Variants in KMT2B observed in about 807,000 individuals in gnomAD.
KMT2B encodes histone-lysine N-methyltransferase 2B.
A neutral mutation model predicts 255.3 loss-of-function variants in KMT2B; 22 were observed. That is an observed-to-expected ratio of 0.09 (90% CI 0.06 to 0.12). The LOEUF is 0.12. KMT2B is among the 10% of genes least tolerant of loss of function. The pLI, the probability that KMT2B is intolerant of heterozygous loss-of-function variation, is 1.00. For synonymous variants in KMT2B, 1,730 were observed against 1,498.1 expected, an observed-to-expected ratio of 1.15 and a Z score of -3.57; for missense variants, 3,149 against 3,737.0, an observed-to-expected ratio of 0.84 and a Z score of 4.10.
In KMT2B at chr19:35,723,539, TGTTAGA is replaced by T. The variant is rs1969302945; in HGVS notation, c.3058+41_3058+46del. On this transcript the variant is annotated intron_variant, in intron 7 of 36. Transcript: ENST00000420124. This position sits in a 1 kb window ranked among gnomAD's most constrained non-coding sequence, Gnocchi z 7.5. ...TAAGGAGCATTTCTTCTCAAAACCG[TGTTAGA>T]GTTTGTGCTGTGGAGGGAGCTGTTT... is the stretch of plus-strand genomic sequence containing the variant. 6.5e-7 allele frequency: 1 copy of T among 1,535,502 alleles called. No homozygotes were observed. The highest frequency in any genetic ancestry group is 1.4e-5 in the African/African-American group (1 of 72,570).
chr19:35,733,332 G>A lies in KMT2B; in HGVS notation c.6783G>A (p.Thr2261=), dbSNP rs934877089. 1.1e-4 allele frequency: 125 copies of A among 1,134,924 alleles called. No individual in the cohort carries two copies. The highest frequency in any genetic ancestry group is 1.4e-4 in the Non-Finnish European group (117 of 828,376). The allele number at this position is 1,134,924 out of a possible 1,614,324, so 70.3% of individuals were successfully genotyped here. A position where few individuals can be genotyped will look rare whatever the true frequency, so the allele number is the denominator to read the frequency against. The change falls in exon 28 of 37, where the codon ACG becomes ACA. Residue 2261 remains threonine, a synonymous_variant. Coordinates refer to ENST00000420124, the MANE Select transcript of KMT2B (RefSeq NM_014727.3). The surrounding 1 kb of genome is among the most constrained non-coding windows in gnomAD (Gnocchi z 4.3). ...PAPPPPPPPL[T]LVLSSGPASP... is the part of the protein sequence containing the mutation. The stretch of plus-strand genomic sequence containing the variant: ...CGCCCCCGCCACCCCCTCCCCTGAC[G>A]CTGGTGCTGAGCAGTGGGCCAGCCA...
In KMT2B at chr19:35,721,279, C is replaced by T. The variant is rs770911408; in HGVS notation, c.1932C>T (p.Pro644=). Residue 644 remains proline (P), a synonymous_variant, in exon 3 of 37, where the codon CCC becomes CCT. Coordinates refer to ENST00000420124, the MANE Select transcript of KMT2B (RefSeq NM_014727.3). The part of the protein sequence containing the change: ...PPAPATSSRR[P]LLLRAPQFTP... ...CTCCTGCCACCTCCTCCCGGAGGCC[C>T]CTACTCCTTCGGGCCCCTCAGTTTA... 7.1e-6 allele frequency: 11 copies of T among 1,540,892 alleles called. No individual in the cohort carries two copies. The highest frequency in any genetic ancestry group is 9.6e-6 in the Non-Finnish European group (11 of 1,145,002).
In KMT2B at chr19:35,733,301, C is replaced by CGG; in HGVS notation, c.6752_6753insGG (p.Ala2252ValfsTer10). On this transcript the variant is annotated frameshift_variant, in exon 28 of 37. Coordinates refer to ENST00000420124, the MANE Select transcript of KMT2B (RefSeq NM_014727.3). LOFTEE classifies it high-confidence loss of function. This position sits in a 1 kb window ranked among gnomAD's most constrained non-coding sequence, Gnocchi z 4.3. The stretch of plus-strand genomic sequence containing the variant: ...CTGCCCGTGGTCGGAGTGGTCCGCC[C>CGG]TGCCCCGCCCCCGCCACCCCCTCCC... The CGG allele has an allele frequency of 1.4e-6, 2 of 1,453,810 alleles. No homozygotes were observed. Among genetic ancestry groups the CGG allele is most frequent in the Non-Finnish European group, 1.9e-6 (2 of 1,062,352 alleles). The allele number at this position is 1,453,810 out of a possible 1,614,324, so 90.1% of individuals were successfully genotyped here. A position where few individuals can be genotyped will look rare whatever the true frequency, so the allele number is the denominator to read the frequency against.
At chr19:35,731,021 G>A (rs1969668399) in intron 26 of KMT2B, among the ~76,000 whole-genome samples, 154 bp downstream of exon 26, 1 of 152,258 alleles carries the variant, frequency 6.6e-6, no homozygotes, top group Non-Finnish European at 1.5e-5. Context: ...CATGCCTTGT[G>A]TGCCAGGGGC....
rs138560516 is a variant in KMT2B, at chr19:35,725,402, C to T, written c.3642+69C>T. The T allele has an allele frequency of 1.9e-5, 30 of 1,581,198 alleles. No individual in the cohort carries two copies. The African/African-American group carries it at 2.8e-4, about 15-fold the overall frequency. The stretch of plus-strand genomic sequence containing the variant: ...GTCCTCACGGCCTGATTCCTTGGGC[C>T]CTCTCAGCTGGGTCTCATCCCTTGG... On this transcript the variant is annotated intron_variant, in intron 11 of 36. Transcript: ENST00000420124. This position sits in a 1 kb window ranked among gnomAD's most constrained non-coding sequence, Gnocchi z 4.1.
rs753753995 is a variant in KMT2B at position 35,730,123 on chromosome 19, A to G, written c.5074A>G (p.Lys1692Glu). The change falls in exon 23 of 37, where the codon AAG becomes GAG. Residue 1692 changes from lysine (K) to glutamate (E), a missense_variant and splice_region_variant. This residue lies in a region of KMT2B where 58 missense variants were observed against 96.9 expected (regional missense o/e 0.60). Transcript: ENST00000420124. ...GAAACACACTGATCTCCTGGATGGCAAGGTGGGCCAGAACTGTGGGGTACA... is the reference window on the plus strand; with the variant it reads ...GAAACACACTGATCTCCTGGATGGCGAGGTGGGCCAGAACTGTGGGGTACA... ...CQKHTDLLDG[K>E]EIVNPDGFDV... The G allele has an allele frequency of 2.5e-6, 4 of 1,613,618 alleles. No homozygotes were observed. The highest frequency in any genetic ancestry group is 3.4e-6 in the Non-Finnish European group (4 of 1,179,740).
chr19:35,730,792 C>T lies in KMT2B; in HGVS notation c.5362C>T (p.Pro1788Ser). The T allele has an allele frequency of 6.2e-7, 1 of 1,613,730 alleles. No individual in the cohort carries two copies. The highest frequency in any genetic ancestry group is 8.5e-7 in the Non-Finnish European group (1 of 1,179,844). ...CRILEYRPWG[P>S]REEPAHLEAA... ...AATTCTGGAGTATCGGCCATGGGGG[C>T]CGAGGGAAGAGCCAGCTCACCTGGA... The change falls in exon 26 of 37, where the codon CCG (proline) becomes TCG (serine). Residue 1788 changes from proline to serine, a missense_variant. Physicochemically the swap from Pro to Ser is moderately conservative, Grantham distance 74 (BLOSUM62 -1). Transcript: ENST00000420124.
At chr19:35,722,965 C>A in intron 5 of KMT2B, 30 bp from the exon 6 acceptor site, 1 of 1,512,266 alleles carries the variant, frequency 6.6e-7, no homozygotes, top group Non-Finnish European at 8.9e-7. Flanking sequence ...CTTTGTGGCT[C>A]CATCCCCTCC....
chr19:35,732,438 G>A lies in KMT2B; in HGVS notation c.5889G>A (p.Pro1963=), dbSNP rs775753855. 9.2e-5 allele frequency: 149 copies of A among 1,613,582 alleles called. No homozygotes were observed. Among genetic ancestry groups the A allele is most frequent in the Admixed American group, 2.7e-4 (16 of 59,980 alleles). Residue 1963 remains proline (P), a synonymous_variant, in exon 28 of 37, where the codon CCG becomes CCA. Coordinates refer to ENST00000420124, the MANE Select transcript of KMT2B (RefSeq NM_014727.3). The part of the protein sequence containing the change: ...PTSGELAPPG[P]APSPPPPEDL... ...CAGGGGAGCTGGCTCCCCCTGGCCC[G>A]GCCCCATCTCCACCACCCCCTGAAG...
At chr19:35,719,601 G>T in intron 2 of KMT2B, 60 bp downstream of exon 2, 1 of 1,539,628 alleles carries the variant, frequency 6.5e-7, no homozygotes, top group East Asian at 2.3e-5. Context: ...CGCCCTTCGT[G>T]TCAGCTCTTC....
chr19:35,736,522 C>T (rs1969922953), intron 30 of KMT2B, 168 bp from the exon 31 acceptor site: 2 of 752,990 alleles, frequency 2.7e-6, no homozygotes, highest in East Asian at 2.7e-5. Flanking sequence ...AATGTCCATT[C>T]TGCAGGGCTC....
rs761741329 is a variant in KMT2B, at chr19:35,722,421, C to T, written c.2520C>T (p.Gly840=). The T allele has an allele frequency of 6.2e-7, 1 of 1,610,794 alleles. No individual in the cohort carries two copies. Among genetic ancestry groups the T allele is most frequent in the Non-Finnish European group, 8.5e-7 (1 of 1,179,822 alleles). ...AGAVKQISDR[G]PVRSEDESVE... ...CTGTCAAGCAGATCTCCGACAGAGGCCCTGTCCGGTCTGAAGATGAGTCGG... is the reference window on the plus strand; with the variant it reads ...CTGTCAAGCAGATCTCCGACAGAGGTCCTGTCCGGTCTGAAGATGAGTCGG... Residue 840 remains glycine (G), a synonymous_variant, in exon 4 of 37, where the codon GGC becomes GGT. Transcript: ENST00000420124.
At chr19:35,729,769 G>A (rs1223534871) in intron 22 of KMT2B, among the ~76,000 whole-genome samples, 198 bp from the exon 23 acceptor site, 4 of 152,256 alleles carry the variant, frequency 2.6e-5, no homozygotes, top group African/African-American at 9.6e-5. Flanking sequence ...CTATCAGCAA[G>A]TATTGTCATT....
Position 35,733,272 on chromosome 19 carries a change from C to A in KMT2B, c.6723C>A (p.Gly2241=). The change falls in exon 28 of 37, where the codon GGC becomes GGA. Residue 2241 remains glycine (G), a synonymous_variant. Coordinates refer to ENST00000420124, the MANE Select transcript of KMT2B (RefSeq NM_014727.3). This position sits in a 1 kb window ranked among gnomAD's most constrained non-coding sequence, Gnocchi z 4.3. ...SWTLPPGPLL[G]VLPVVGVVRP... ...CTCTGCCCCCAGGCCCCCTCCTCGG[C>A]GTGCTGCCCGTGGTCGGAGTGGTCC... 1.4e-6 allele frequency: 2 copies of A among 1,478,108 alleles called. No homozygotes were observed. Among genetic ancestry groups the A allele is most frequent in the Non-Finnish European group, 1.8e-6 (2 of 1,085,380 alleles). 91.6% of individuals were successfully genotyped at this position (1,478,108 alleles called of 1,614,324 possible). A position where few individuals can be genotyped will look rare whatever the true frequency, so the allele number is the denominator to read the frequency against.
At chr19:35,726,598 T>G (rs532797103) in intron 14 of KMT2B, among the ~76,000 whole-genome samples, 1 of 152,276 alleles carries the variant, frequency 6.6e-6, no homozygotes, top group South Asian at 2.1e-4. Flanking sequence ...CTGAGGTACT[T>G]CCTGGAACCT....
At chr19:35,729,826 A>T in intron 22 of KMT2B, 141 bp from the exon 23 acceptor site, 1 of 746,146 alleles carries the variant, frequency 1.3e-6, no homozygotes, top group East Asian at 2.7e-5. Context: ...CTGGGCCTGG[A>T]TGCGGCTGGG....
chr19:35,724,171 A>G (rs902612618), intron 8 of KMT2B, among the ~76,000 whole-genome samples, 164 bp downstream of exon 8: 3 of 152,156 alleles, frequency 2.0e-5, no homozygotes, highest in Non-Finnish European at 4.4e-5. Flanking sequence ...GAACTGGCCT[A>G]TGAGGTTCTC....
At position 35,733,316 on chromosome 19, in the gene KMT2B, C is replaced by A; in HGVS notation, c.6767C>A (p.Pro2256Gln). ...VGVVRPAPPPPPPPLTLVLSS... is the reference protein window; with the variant it reads ...VGVVRPAPPPQPPPLTLVLSS... ...GTGGTCCGCCCTGCCCCGCCCCCGC[C>A]ACCCCCTCCCCTGACGCTGGTGCTG... is the stretch of plus-strand genomic sequence containing the variant. Residue 2256 changes from proline (P) to glutamine (Q), a missense_variant, in exon 28 of 37, where the codon CCA (proline) becomes CAA (glutamine). Physicochemically the swap from Pro to Gln is moderately conservative, Grantham distance 76 (BLOSUM62 -1). Coordinates refer to ENST00000420124, the MANE Select transcript of KMT2B (RefSeq NM_014727.3). The surrounding 1 kb of genome is among the most constrained non-coding windows in gnomAD (Gnocchi z 4.3). 1 of 1,480,566 alleles carries A rather than the reference C, an allele frequency of 6.8e-7. No homozygotes were observed. The highest frequency in any genetic ancestry group is 9.2e-7 in the Non-Finnish European group (1 of 1,088,142). The allele number at this position is 1,480,566 out of a possible 1,614,324, so 91.7% of individuals were successfully genotyped here.
intron 2 of KMT2B, 110 bp downstream of exon 2, chr19:35,719,651 G>A (rs1969101259): frequency 6.6e-7 from 1 of 1,509,910 alleles, no homozygotes; most frequent in Non-Finnish European, 9.0e-7. Context: ...AATGTGTTCT[G>A]TGTTCAGAGT....
Sources: allele counts gnomAD v4.1 joint callset (sites outside exome capture counted in the v4.1 genomes callset), GRCh38; gene constraint gnomAD v4.1.1; regional missense constraint gnomAD v4.1.1; non-coding constraint Gnocchi (gnomAD v3.1); transcripts MANE v1.5; gene names NCBI Gene and HGNC (gene_info 2026-07-23, HGNC 2026-07-21).